Variants in SAMD4A observed in about 807,000 individuals in gnomAD.
SAMD4A encodes the protein protein Smaug homolog 1.
SAMD4A carries 33 observed loss-of-function variants against 81.3 expected under a neutral mutation model. The ratio of observed to expected loss-of-function variants is 0.41; its 90% confidence interval spans 0.31 to 0.54. SAMD4A has a LOEUF of 0.54. Ranked by LOEUF, SAMD4A falls within the 20% of genes least tolerant of loss-of-function variation. The probability of loss-of-function intolerance (pLI) is 0.37; values close to 1 mark genes in which losing one functional copy is unlikely to be tolerated. For missense variants in SAMD4A, 854 were observed against 951.1 expected (o/e 0.90, Z 1.34); for synonymous variants, 389 against 382.1 (o/e 1.02, Z -0.21).
intron 2 of SAMD4A, among the ~76,000 whole-genome samples, chr14:54,588,757 C>A (rs773920854): frequency 6.6e-6 from 1 of 152,102 alleles, no homozygotes; most frequent in South Asian, 2.1e-4. Context: ...TCCATGAGAA[C>A]ATTTGTTTTT....
chr14:54,727,748 T>C (rs1463200790), intron 3 of SAMD4A, among the ~76,000 whole-genome samples: 1 of 152,156 alleles, frequency 6.6e-6, no homozygotes, highest in Non-Finnish European at 1.5e-5. Flanking sequence ...TAGCAATATG[T>C]GAGTTTACAA....
chr14:54,753,458 G>A (rs1220805002), intron 6 of SAMD4A, among the ~76,000 whole-genome samples: 2 of 152,224 alleles, frequency 1.3e-5, no homozygotes, highest in Non-Finnish European at 2.9e-5. Flanking sequence ...GCTCCAGGTT[G>A]GGTCAAAGTG....
intron 3 of SAMD4A, among the ~76,000 whole-genome samples, chr14:54,708,596 G>A (rs1052581413): frequency 1.3e-5 from 2 of 152,174 alleles, no homozygotes; most frequent in African/African-American, 4.8e-5. Flanking sequence ...ACCTCAACCT[G>A]AAAGCTGGAG....
In SAMD4A at chr14:54,702,357, C is replaced by T. The variant is rs2036740692; in HGVS notation, c.492C>T (p.Gly164=). 6 of 1,614,150 alleles carry T rather than the reference C, an allele frequency of 3.7e-6. No homozygotes were observed. Among genetic ancestry groups the T allele is most frequent in the East Asian group, 2.2e-5 (1 of 44,884 alleles). ...TSTSFGGQNR[G]RSDSVDYGQT... is the part of the protein sequence containing the mutation. ...CCAGCTTTGGTGGCCAGAACCGAGG[C>T]CGCTCAGACTCTGTGGATTATGGAC... is the stretch of plus-strand genomic sequence containing the variant. Residue 164 remains glycine (G), a synonymous_variant, in exon 3 of 13, where the codon GGC becomes GGT. Transcript: ENST00000554335.
chr14:54,680,993 A>G (rs2036110984), intron 2 of SAMD4A, among the ~76,000 whole-genome samples: 1 of 152,182 alleles, frequency 6.6e-6, no homozygotes, highest in Non-Finnish European at 1.5e-5. Flanking sequence ...CTATTATTAA[A>G]TTTCTAATGT....
chr14:54,648,221 G>A (rs61976963), intron 2 of SAMD4A, among the ~76,000 whole-genome samples: 7,728 of 152,292 alleles, frequency 0.051, 206 homozygotes, highest in Middle Eastern at 0.12. Flanking sequence ...GAAACTAAGG[G>A]CAGCTGGAAG....
chr14:54,769,823 G>T (rs1320944410), intron 8 of SAMD4A, among the ~76,000 whole-genome samples: 4 of 152,204 alleles, frequency 2.6e-5, no homozygotes, highest in Non-Finnish European at 5.9e-5. Context: ...GAGTCAGGAG[G>T]GAGGGGGAAT....
chr14:54,763,548 A>G (rs569631493), intron 7 of SAMD4A, among the ~76,000 whole-genome samples: 1 of 152,308 alleles, frequency 6.6e-6, no homozygotes, highest in South Asian at 2.1e-4. Flanking sequence ...TTATACTGAA[A>G]GTGTATGTGC....
At chr14:54,670,008 GA>G (rs1470324430) in intron 2 of SAMD4A, among the ~76,000 whole-genome samples, 1 of 152,186 alleles carries the variant, frequency 6.6e-6, no homozygotes, top group African/African-American at 2.4e-5. Flanking sequence ...CCAGACCAGT[GA>G]AATGTTTTTG....
At chr14:54,657,714 G>T (rs2035551685) in intron 2 of SAMD4A, among the ~76,000 whole-genome samples, 1 of 152,208 alleles carries the variant, frequency 6.6e-6, no homozygotes, top group Admixed American at 6.5e-5. Context: ...GCTGTGCTGT[G>T]TAAGTGGAAA....
intron 2 of SAMD4A, among the ~76,000 whole-genome samples, chr14:54,588,646 T>G (rs139394506): frequency 2.4e-4 from 36 of 152,336 alleles, no homozygotes; most frequent in African/African-American, 7.9e-4. Context: ...GAAACCCTTG[T>G]TGATTGAAGA....
intron 2 of SAMD4A, among the ~76,000 whole-genome samples, chr14:54,659,215 T>G (rs1181984461): frequency 6.6e-6 from 1 of 152,168 alleles, no homozygotes; most frequent in African/African-American, 2.4e-5. Context: ...TTGAAGACAC[T>G]AGGGTTACCC....
chr14:54,618,166 G>C (rs2034534455), intron 2 of SAMD4A, among the ~76,000 whole-genome samples: 2 of 152,182 alleles, frequency 1.3e-5, no homozygotes, highest in African/African-American at 4.8e-5. Flanking sequence ...TTGGCATGGA[G>C]CTATATGGTA....
intron 2 of SAMD4A, among the ~76,000 whole-genome samples, chr14:54,692,754 G>A (rs1161386869): frequency 6.6e-6 from 1 of 151,986 alleles, no homozygotes; most frequent in Non-Finnish European, 1.5e-5. Flanking sequence ...AAAACTAGTC[G>A]AGTGTGGTTT....
chr14:54,622,548 C>T (rs2034642987), intron 2 of SAMD4A, among the ~76,000 whole-genome samples: 1 of 152,066 alleles, frequency 6.6e-6, no homozygotes, highest in South Asian at 2.1e-4. Flanking sequence ...ATAGAAATAG[C>T]CCAGGCCTCC....
In SAMD4A at chr14:54,789,022, A is replaced by T. The variant is rs149729986; in HGVS notation, c.*78A>T. On this transcript the variant is annotated 3_prime_UTR_variant, in exon 13 of 13. Coordinates refer to ENST00000554335, the MANE Select transcript of SAMD4A (RefSeq NM_015589.6). Reference sequence around the variant, plus strand: ...CAGTGTCCGCCATCTTCAGGGTTGCACAGAATCCTCCAAGATACTTTGCAG... The same window carrying T: ...CAGTGTCCGCCATCTTCAGGGTTGCTCAGAATCCTCCAAGATACTTTGCAG... 6.6e-7 allele frequency: 1 copy of T among 1,514,256 alleles called. No homozygotes were observed. Among genetic ancestry groups the T allele is most frequent in the East Asian group, 2.3e-5 (1 of 44,392 alleles). The allele number at this position is 1,514,256 out of a possible 1,614,324, so 93.8% of individuals were successfully genotyped here. A position where few individuals can be genotyped will look rare whatever the true frequency, so the allele number is the denominator to read the frequency against.
chr14:54,667,860 G>A (rs2035789159), intron 2 of SAMD4A, among the ~76,000 whole-genome samples: 2 of 152,174 alleles, frequency 1.3e-5, no homozygotes, highest in Non-Finnish European at 2.9e-5. Context: ...GAGAACTGTG[G>A]ACAAGAGAGG....
chr14:54,566,846 G>A (rs1357060777), upstream of SAMD4A, among the ~76,000 whole-genome samples: 1 of 152,102 alleles, frequency 6.6e-6, no homozygotes, highest in African/African-American at 2.4e-5. Context: ...GCGCGGCGCG[G>A]GGGAGCCGGG....
rs548695301 is a variant in SAMD4A at position 54,791,545 on chromosome 14, A to T, written c.*2601A>T. 4 of 152,346 alleles carry T rather than the reference A, an allele frequency of 2.6e-5. No homozygotes were observed. The highest frequency in any genetic ancestry group is 5.9e-5 in the Non-Finnish European group (4 of 68,038). The allele number at this position is 152,346 out of a possible 1,614,324, so 9.4% of individuals were successfully genotyped here. On this transcript the variant is annotated 3_prime_UTR_variant, in exon 13 of 13. Coordinates refer to ENST00000554335, the MANE Select transcript of SAMD4A (RefSeq NM_015589.6). ...TAACTTGCTATGGCTGGTAACCATG[A>T]TAAAGTCTGTTATTAATAACAACAT...
Sources: gnomAD v4.1 joint callset for allele counts (sites outside exome capture counted in the v4.1 genomes callset) on GRCh38, gnomAD v4.1.1 for gene constraint, MANE v1.5 for transcripts, NCBI Gene and HGNC (gene_info 2026-07-23, HGNC 2026-07-21) for gene names.